The following HECW2 variants were observed in gnomAD, a reference collection of about 807,000 sequenced individuals.
HECW2 encodes E3 ubiquitin-protein ligase HECW2.
A neutral mutation model predicts 175.2 loss-of-function variants in HECW2; 61 were observed. That is an observed-to-expected ratio of 0.35 (90% CI 0.28 to 0.43). The LOEUF (loss-of-function observed/expected upper bound fraction) is 0.43, where lower values mean the gene tolerates loss of function less well. HECW2 is among the 20% of genes least tolerant of loss of function. The pLI, the probability that HECW2 is intolerant of heterozygous loss-of-function variation, is 1.00. For missense variants in HECW2, 1,524 were observed against 2,000.5 expected (o/e 0.76, Z 4.54); for synonymous variants, 671 against 731.0 (o/e 0.92, Z 1.32).
chr2:196,264,617 C>T (rs566985366), intron 17 of HECW2, among the ~76,000 whole-genome samples: 1 of 152,182 alleles, frequency 6.6e-6, no homozygotes, highest in African/African-American at 2.4e-5. Flanking sequence ...ATGAAAAGAA[C>T]CTAAACTAAT....
chr2:196,338,998 C>A (rs1419471884), intron 3 of HECW2, among the ~76,000 whole-genome samples: 1 of 152,148 alleles, frequency 6.6e-6, no homozygotes, highest in Non-Finnish European at 1.5e-5. Context: ...CCTGAAATGG[C>A]CAGGCTTTCC....
At position 196,544,475 on chromosome 2, in the gene HECW2, A is replaced by T. The variant is rs531622638; in HGVS notation, c.-36+49033T>A. Among the ~76,000 whole-genome samples, 294 of 152,090 alleles carry T rather than the reference A, an allele frequency of 1.9e-3. 13 individuals are homozygous for T. The South Asian group carries it at 0.058, about 30-fold the overall frequency. ...CACAGCGTACACCTGTGACTCCCCA[A>T]CTCCTGATTGCTGTAACCAATCCAG... On this transcript the variant is annotated intron_variant, in intron 1 of 28. Transcript: ENST00000644978.
At chr2:196,347,514 G>A (rs985312109) in intron 2 of HECW2, among the ~76,000 whole-genome samples, 2 of 152,182 alleles carry the variant, frequency 1.3e-5, no homozygotes, top group African/African-American at 4.8e-5. Flanking sequence ...ACCTGGCCTG[G>A]TGAAATCTGT....
At chr2:196,381,494 C>T (rs1180139382) in intron 2 of HECW2, among the ~76,000 whole-genome samples, 1 of 152,144 alleles carries the variant, frequency 6.6e-6, no homozygotes, top group Admixed American at 6.5e-5. Flanking sequence ...TCACTGGTTT[C>T]TCATAGCGTC....
At chr2:196,224,446 C>T (rs74747291) in intron 23 of HECW2, among the ~76,000 whole-genome samples, 2,708 of 151,984 alleles carry the variant, frequency 0.018, 105 homozygotes, top group East Asian at 0.17. Flanking sequence ...AGTGAGAAAA[C>T]GAGGGGCCTG....
Position 196,433,419 on chromosome 2 carries a change from G to T in HECW2, c.5C>A (p.Ala2Asp). 6.2e-7 allele frequency: 1 copy of T among 1,612,656 alleles called. No individual in the cohort carries two copies. The highest frequency in any genetic ancestry group is 1.1e-5 in the South Asian group (1 of 90,948). Residue 2 changes from alanine to aspartate, a missense_variant, in exon 2 of 29, where the codon GCT becomes GAT. This residue lies in a region of HECW2 where 135 missense variants were observed against 214.6 expected (regional missense o/e 0.63). Transcript: ENST00000644978. M[A>D]SSAREHLLFV... ...AAGCAGGTGCTCCCGGGCTGAACTA[G>T]CCATCCCGTCTGCTTCTCTGGGATT...
chr2:196,506,463 A>T (rs1687764385), intron 1 of HECW2, among the ~76,000 whole-genome samples: 1 of 152,106 alleles, frequency 6.6e-6, no homozygotes, highest in Admixed American at 6.6e-5. Flanking sequence ...ATGCTGAATG[A>T]AAGGACATCA....
At position 196,240,475 on chromosome 2, in the gene HECW2, T is replaced by C. The variant is rs144631612; in HGVS notation, c.3738A>G (p.Leu1246=). ...YSRKDLQRNK[L]YVTFVGEEGL... Reference sequence around the variant, plus strand: ...CTTCCTCCCCAACGAAGGTGACATATAGCTTATTTCTCTGCAGGTCTTTTC... The same window carrying C: ...CTTCCTCCCCAACGAAGGTGACATACAGCTTATTTCTCTGCAGGTCTTTTC... The change falls in exon 21 of 29, where the codon CTA becomes CTG. Residue 1246 remains leucine (L), a synonymous_variant. Transcript: ENST00000644978. 1 of 1,611,934 alleles carries C rather than the reference T, an allele frequency of 6.2e-7. No homozygotes were observed. The highest frequency in any genetic ancestry group is 1.1e-5 in the South Asian group (1 of 90,716).
At chr2:196,439,936 A>G (rs1695991597) in intron 1 of HECW2, among the ~76,000 whole-genome samples, 1 of 152,198 alleles carries the variant, frequency 6.6e-6, no homozygotes, top group Admixed American at 6.5e-5. Context: ...GGAATGTTTC[A>G]AAGGAAGAAC....
intron 2 of HECW2, among the ~76,000 whole-genome samples, chr2:196,367,870 GTGTGTT>G (rs1313656885): frequency 2.6e-5 from 4 of 151,354 alleles, no homozygotes; most frequent in East Asian, 1.9e-4. Flanking sequence ...GTGTGTGTGT[GTGTGTT>G]TGTGTGTGTG....
At chr2:196,510,882 A>G (rs1049019851) in intron 1 of HECW2, among the ~76,000 whole-genome samples, 3 of 151,266 alleles carry the variant, frequency 2.0e-5, no homozygotes, top group African/African-American at 7.3e-5. Context: ...TATGAGGACT[A>G]CTCCCCCATT....
At chr2:196,445,382 C>A (rs1399371373) in intron 1 of HECW2, among the ~76,000 whole-genome samples, 3 of 152,186 alleles carry the variant, frequency 2.0e-5, no homozygotes, top group African/African-American at 7.2e-5. Flanking sequence ...GTGTTAACAG[C>A]ATCTCCATTC....
At chr2:196,408,819 C>A (rs1282521609) in intron 2 of HECW2, among the ~76,000 whole-genome samples, 3 of 152,168 alleles carry the variant, frequency 2.0e-5, no homozygotes, top group Non-Finnish European at 4.4e-5. Flanking sequence ...GAATGCTGGA[C>A]TCGTTTGAAG....
intron 2 of HECW2, among the ~76,000 whole-genome samples, chr2:196,407,181 GT>G (rs1296499727): frequency 6.7e-6 from 1 of 150,328 alleles, no homozygotes; most frequent in East Asian, 1.9e-4. Flanking sequence ...ATATACTTAG[GT>G]TTATGTGGCA....
At chr2:196,440,118 T>C (rs1337522466) in intron 1 of HECW2, among the ~76,000 whole-genome samples, 1 of 152,120 alleles carries the variant, frequency 6.6e-6, no homozygotes, top group African/African-American at 2.4e-5. Context: ...TCCAAGTAAA[T>C]ATAACTCTTA....
chr2:196,315,924 TATACATAAA>T (rs928974728), intron 10 of HECW2: 1 of 152,216 alleles, frequency 6.6e-6, no homozygotes, highest in Admixed American at 6.5e-5. Context: ...TTAATCTGTA[TATACATAAA>T]AATAAAGCTC....
chr2:196,453,744 G>C (rs1255179554), intron 1 of HECW2, among the ~76,000 whole-genome samples: 1 of 152,162 alleles, frequency 6.6e-6, no homozygotes, highest in Non-Finnish European at 1.5e-5. Context: ...GGGACCTGCA[G>C]TTTAGAACAT....
intron 1 of HECW2, among the ~76,000 whole-genome samples, chr2:196,437,588 G>T: frequency 1.1e-5 from 1 of 88,160 alleles, no homozygotes; most frequent in Non-Finnish European, 2.1e-5. Flanking sequence ...CTCCAGCCTG[G>T]GCAACAGAGT....
intron 2 of HECW2, among the ~76,000 whole-genome samples, chr2:196,432,264 G>T (rs1559107165): frequency 6.6e-6 from 1 of 152,010 alleles, no homozygotes; most frequent in Admixed American, 6.5e-5. Flanking sequence ...CGGGGTGATG[G>T]GGGGATGCTT....
Sources: gnomAD v4.1 joint callset for allele counts (sites outside exome capture counted in the v4.1 genomes callset) on GRCh38, gnomAD v4.1.1 for gene constraint, gnomAD v4.1.1 regional missense constraint, MANE v1.5 for transcripts, NCBI Gene and HGNC (gene_info 2026-07-23, HGNC 2026-07-21) for gene names.